The following G2E3 variants were observed in gnomAD, a reference collection of about 807,000 sequenced individuals.
G2E3 encodes G2/M-phase specific E3 ubiquitin protein ligase, also known as G2/M phase-specific E3 ubiquitin-protein ligase.
G2E3 carries 35 observed loss-of-function variants against 92.8 expected under a neutral mutation model. The observed-to-expected ratio is 0.38, with a 90% CI of 0.29 to 0.50. G2E3 has a LOEUF of 0.50. Ranked by LOEUF, G2E3 falls within the 20% of genes least tolerant of loss-of-function variation. The probability of loss-of-function intolerance (pLI) is 0.94; values close to 1 mark genes in which losing one functional copy is unlikely to be tolerated. For missense variants in G2E3, 554 were observed against 823.8 expected (o/e 0.67, Z 4.01); for synonymous variants, 242 against 272.4 (o/e 0.89, Z 1.10).
chr14:30,615,620 G>A (rs1027061595), intron 14 of G2E3, 81 bp downstream of exon 14: 3 of 894,516 alleles, frequency 3.4e-6, no homozygotes, highest in African/African-American at 3.4e-5. Context: ...ATTTGTGTAT[G>A]TTTTGCCTTT....
At position 30,616,625 on chromosome 14, in the gene G2E3, A is replaced by G; in HGVS notation, c.*91A>G. 1 of 905,224 alleles carries G rather than the reference A, an allele frequency of 1.1e-6. No homozygotes were observed. The highest frequency in any genetic ancestry group is 1.7e-6 in the Non-Finnish European group (1 of 581,638). The allele number at this position is 905,224 out of a possible 1,614,324, so 56.1% of individuals were successfully genotyped here. On this transcript the variant is annotated 3_prime_UTR_variant, in exon 15 of 15. Transcript: ENST00000206595. ...TAACCTTTTCATCATCACTTTGAAC[A>G]AACTAGTTAGCTTCTTGACCTAATA...
chr14:30,604,907 C>CATTT (rs1191023766), intron 10 of G2E3, among the ~76,000 whole-genome samples: 47 of 135,784 alleles, frequency 3.5e-4, no homozygotes, highest in African/African-American at 1.3e-3. Flanking sequence ...TTCATTCATT[C>CATTT]ATTTATGAGA....
At chr14:30,561,226 A>G (rs1000878552) in intron 1 of G2E3, among the ~76,000 whole-genome samples, 2 of 152,258 alleles carry the variant, frequency 1.3e-5, no homozygotes, top group African/African-American at 2.4e-5. Flanking sequence ...ACTATCTTCA[A>G]ATAAGAAAAC....
chr14:30,571,476 G>A (rs1009673418), intron 1 of G2E3, among the ~76,000 whole-genome samples: 1 of 151,870 alleles, frequency 6.6e-6, no homozygotes, highest in South Asian at 2.1e-4. Context: ...TAATTCATCA[G>A]TGTTTTTTAT....
At position 30,617,256 on chromosome 14, in the gene G2E3, A is replaced by C. The variant is rs1882355855; in HGVS notation, c.*722A>C. The C allele has an allele frequency of 7.1e-6, 1 of 141,328 alleles. No individual in the cohort carries two copies. The highest frequency in any genetic ancestry group is 2.2e-4 in the South Asian group (1 of 4,570). The allele number at this position is 141,328 out of a possible 1,614,324, so 8.8% of individuals were successfully genotyped here. A position where few individuals can be genotyped will look rare whatever the true frequency, so the allele number is the denominator to read the frequency against. On this transcript the variant is annotated 3_prime_UTR_variant, in exon 15 of 15. Coordinates refer to ENST00000206595, the MANE Select transcript of G2E3 (RefSeq NM_017769.5). ...GGCAATGTAGCAAAGACTCCATCTC[A>C]AAAAAAAAAACAGAATTGCACAAAT...
chr14:30,606,780 CAAT>C (rs1302489345), intron 11 of G2E3, among the ~76,000 whole-genome samples: 1 of 152,024 alleles, frequency 6.6e-6, no homozygotes. Flanking sequence ...TTGCTTTCAA[CAAT>C]TTAAAAATTA....
At position 30,616,490 on chromosome 14, in the gene G2E3, C is replaced by CT. The variant is rs1566555990; in HGVS notation, c.2078dup (p.Arg694LysfsTer37). 6.2e-7 allele frequency: 1 copy of CT among 1,602,122 alleles called. No individual in the cohort carries two copies. The highest frequency in any genetic ancestry group is 1.3e-5 in the African/African-American group (1 of 74,490). The stretch of plus-strand genomic sequence containing the variant: ...TATGGACTTCACCATAAGAAACACT[C>CT]TAAGACTAGAAAAGGAAGAAAGTTC... On this transcript the variant is annotated frameshift_variant, in exon 15 of 15. Coordinates refer to ENST00000206595, the MANE Select transcript of G2E3 (RefSeq NM_017769.5). LOFTEE classifies it high-confidence loss of function.
At chr14:30,616,228 C>T in intron 14 of G2E3, 50 bp from the exon 15 acceptor site, 1 of 1,217,102 alleles carries the variant, frequency 8.2e-7, no homozygotes, top group Non-Finnish European at 1.2e-6. Flanking sequence ...CAATATATAA[C>T]ATGGATTTAC....
intron 12 of G2E3, among the ~76,000 whole-genome samples, chr14:30,608,746 C>A (rs920201502): frequency 7.2e-5 from 11 of 152,206 alleles, no homozygotes; most frequent in African/African-American, 2.4e-4. Flanking sequence ...TTTAACTTTT[C>A]TTCCTTAACC....
intron 2 of G2E3, among the ~76,000 whole-genome samples, chr14:30,583,750 G>A (rs530882549): frequency 7.9e-5 from 12 of 152,194 alleles, no homozygotes; most frequent in East Asian, 5.8e-4. Flanking sequence ...TCAAAACATC[G>A]TGCTAAACAT....
rs956898616 is a variant in G2E3 at position 30,563,755 on chromosome 14, C to T, written c.-5+4483C>T. Among the ~76,000 whole-genome samples, 45 of 150,436 alleles carry T rather than the reference C, an allele frequency of 3.0e-4. 1 individual carries two copies. The highest frequency in any genetic ancestry group is 1.1e-3 in the African/African-American group (45 of 40,628). On this transcript the variant is annotated intron_variant, in intron 1 of 14. Coordinates refer to ENST00000206595, the MANE Select transcript of G2E3 (RefSeq NM_017769.5). Reference sequence around the variant, plus strand: ...TGTGTGTGTGATATAGAGTCTCACTCTGTTGCCCAGGCTGAATGCAATGGT... The same window carrying T: ...TGTGTGTGTGATATAGAGTCTCACTTTGTTGCCCAGGCTGAATGCAATGGT...
chr14:30,566,962 T>C (rs896039365), intron 1 of G2E3, among the ~76,000 whole-genome samples: 1 of 152,232 alleles, frequency 6.6e-6, no homozygotes, highest in Admixed American at 6.5e-5. Context: ...CCTTTTTCTC[T>C]ATTAGTATGG....
At chr14:30,570,216 G>A (rs2138781260) in intron 1 of G2E3, among the ~76,000 whole-genome samples, 1 of 152,194 alleles carries the variant, frequency 6.6e-6, no homozygotes, top group East Asian at 1.9e-4. Context: ...TTTTGTATGT[G>A]TTAATCACTT....
At chr14:30,575,771 G>C (rs1880046137) in intron 1 of G2E3, among the ~76,000 whole-genome samples, 1 of 152,096 alleles carries the variant, frequency 6.6e-6, no homozygotes, top group Non-Finnish European at 1.5e-5. Context: ...ATTCACAGTG[G>C]CTACAAAAAG....
At chr14:30,572,784 C>T (rs1024828837) in intron 1 of G2E3, among the ~76,000 whole-genome samples, 4 of 151,622 alleles carry the variant, frequency 2.6e-5, no homozygotes, top group African/African-American at 9.7e-5. Flanking sequence ...ACTCTTGTGG[C>T]GTTTATGTGT....
chr14:30,577,774 A>G (rs984450485), intron 1 of G2E3: 1 of 152,224 alleles, frequency 6.6e-6, no homozygotes, highest in African/African-American at 2.4e-5. Context: ...CACATCTACA[A>G]TCAAGGAGAG....
intron 1 of G2E3, chr14:30,560,613 G>T: frequency 1.8e-6 from 1 of 564,226 alleles, no homozygotes; most frequent in South Asian, 2.3e-5. Flanking sequence ...GTCAACAAAT[G>T]GTAATTTTTA....
chr14:30,594,313 T>C (rs899792596), intron 6 of G2E3, among the ~76,000 whole-genome samples: 1 of 152,212 alleles, frequency 6.6e-6, no homozygotes, highest in African/African-American at 2.4e-5. Context: ...AACTTAAGTT[T>C]AATACTGTTT....
chr14:30,585,676 T>C (rs563448126), intron 2 of G2E3, among the ~76,000 whole-genome samples: 2 of 152,004 alleles, frequency 1.3e-5, no homozygotes, highest in East Asian at 3.8e-4. Context: ...CTCTATTGTT[T>C]TTCCATTCTC....
Sources: gnomAD v4.1 joint callset for allele counts (sites outside exome capture counted in the v4.1 genomes callset) on GRCh38, gnomAD v4.1.1 for gene constraint, MANE v1.5 for transcripts, NCBI Gene and HGNC (gene_info 2026-07-23, HGNC 2026-07-21) for gene names.